RIPOR2: variants seen among roughly 807,000 people sequenced by gnomAD.
The protein encoded by RIPOR2 is RHO family interacting cell polarization regulator 2.
In RIPOR2, 39 loss-of-function variants were observed where a neutral mutation model predicts 114.5. The observed-to-expected ratio is 0.34, with a 90% CI of 0.26 to 0.44. The LOEUF (loss-of-function observed/expected upper bound fraction) is 0.44, where lower values mean the gene tolerates loss of function less well. RIPOR2 is among the 20% of genes least tolerant of loss of function. RIPOR2 has a pLI of 1.00. For synonymous variants in RIPOR2, 445 were observed against 484.4 expected, an observed-to-expected ratio of 0.92 and a Z score of 1.07; for missense variants, 1,007 against 1,255.1, an observed-to-expected ratio of 0.80 and a Z score of 2.99.
chr6:24,847,533 C>T, intron 12 of RIPOR2: 1 of 1,550,396 alleles, frequency 6.4e-7, no homozygotes, highest in Non-Finnish European at 8.7e-7. Flanking sequence ...CCGGGCAGGC[C>T]ACACTCACAT....
At chr6:25,036,952 A>G (rs1261270853) in intron 1 of RIPOR2, among the ~76,000 whole-genome samples, 1 of 152,190 alleles carries the variant, frequency 6.6e-6, no homozygotes, top group Non-Finnish European at 1.5e-5. Context: ...TGCCTTCTCC[A>G]GTATGACATG....
chr6:24,823,340 A>G (rs576932790), intron 19 of RIPOR2, among the ~76,000 whole-genome samples: 86 of 152,366 alleles, frequency 5.6e-4, no homozygotes, highest in Middle Eastern at 6.8e-3. Context: ...TTACTTAACT[A>G]GTCTTAGTCA....
chr6:24,894,539 G>T (rs1462265533), intron 1 of RIPOR2, among the ~76,000 whole-genome samples: 1 of 152,150 alleles, frequency 6.6e-6, no homozygotes, highest in East Asian at 1.9e-4. Flanking sequence ...TGTCAACCGG[G>T]AGGGGAGGAT....
Position 24,926,996 on chromosome 6 carries a change from AATCACCACCACC to A in RIPOR2, c.61+8830_61+8841del, listed in dbSNP as rs1400629032. 3.2e-4 allele frequency among the ~76,000 whole-genome samples: 15 copies of A among 46,962 alleles called. 2 individuals carry two copies. The highest frequency in any genetic ancestry group is 5.2e-4 in the Non-Finnish European group (13 of 24,796). 30.8% of individuals were successfully genotyped at this position (46,962 alleles called of 152,430 possible). On this transcript the variant is annotated intron_variant, in intron 1 of 21. Transcript: ENST00000643898. ...CCACCACCACCACCACCACAACTAC[AATCACCACCACC>A]ATCACCACCACCACCATGATTATTA...
At chr6:24,819,524 T>G (rs1016509509) in intron 19 of RIPOR2, among the ~76,000 whole-genome samples, 1 of 152,044 alleles carries the variant, frequency 6.6e-6, no homozygotes, top group Non-Finnish European at 1.5e-5. Flanking sequence ...ATTATCTTTT[T>G]TTTTTTTGAG....
chr6:24,808,762 C>CTTTTT, intron 21 of RIPOR2, among the ~76,000 whole-genome samples: 1 of 128,076 alleles, frequency 7.8e-6, no homozygotes, highest in Non-Finnish European at 1.7e-5. Context: ...ATACTTTTTT[C>CTTTTT]TTTTTTTTTT....
chr6:24,936,417 G>A (rs2778498), upstream of RIPOR2, among the ~76,000 whole-genome samples: 6,430 of 152,188 alleles, frequency 0.042, 448 homozygotes, highest in African/African-American at 0.14. Context: ...CTCAGTAATA[G>A]TTGCATTTTT....
chr6:24,987,021 G>A (rs543767789), intron 1 of RIPOR2, among the ~76,000 whole-genome samples: 104 of 152,322 alleles, frequency 6.8e-4, no homozygotes, highest in African/African-American at 2.4e-3. Flanking sequence ...TTGGCCTGAA[G>A]GCTATGGGCT....
intron 1 of RIPOR2, among the ~76,000 whole-genome samples, chr6:24,991,483 A>T (rs1774812368): frequency 6.6e-6 from 1 of 152,234 alleles, no homozygotes; most frequent in Non-Finnish European, 1.5e-5. Context: ...GATAGGATTC[A>T]GAATTCTGGA....
chr6:24,916,414 C>T (rs769918005), intron 1 of RIPOR2, among the ~76,000 whole-genome samples: 4 of 152,132 alleles, frequency 2.6e-5, no homozygotes, highest in Admixed American at 6.5e-5. Context: ...ATAAGCTCTG[C>T]GATGTCAGGA....
At chr6:25,015,159 C>CTT (rs1775912819) in intron 1 of RIPOR2, 1 of 152,174 alleles carries the variant, frequency 6.6e-6, no homozygotes, top group African/African-American at 2.4e-5. Flanking sequence ...GGGATCAGAG[C>CTT]TTTAGAGCTT....
chr6:24,846,227 T>G (rs1270808690), intron 12 of RIPOR2, among the ~76,000 whole-genome samples: 2 of 152,006 alleles, frequency 1.3e-5, no homozygotes, highest in Non-Finnish European at 2.9e-5. Context: ...TGTTTTCATG[T>G]GTATTTCCCC....
At position 24,953,308 on chromosome 6, in the gene RIPOR2, G is replaced by A. The variant is rs565121645; in HGVS notation, c.77-77491C>T. On this transcript the variant is annotated intron_variant, in intron 1 of 13. Transcript: ENST00000510784. ...ATATTGTGCCATTGAATTGCAGCCT[G>A]GGCAACAAGAGCAAAACTCTGCCCC... Among the ~76,000 whole-genome samples, 16 of 146,570 alleles carry A rather than the reference G, an allele frequency of 1.1e-4. No individual in the cohort carries two copies. In the South Asian group the frequency reaches 2.9e-3, roughly 27 times the overall value.
Position 24,912,818 on chromosome 6 carries a change from T to C in RIPOR2, c.61+23020A>G, listed in dbSNP as rs113360891. Among the ~76,000 whole-genome samples the C allele has an allele frequency of 9.0e-3, 1,369 of 152,168 alleles. 20 individuals carry two copies. The highest frequency in any genetic ancestry group is 0.031 in the African/African-American group (1,281 of 41,496). The stretch of plus-strand genomic sequence containing the variant: ...GACTCAGGAATGGCACTGTTGTAAG[T>C]GACATATAACCTTTTATGAGAGGGA... On this transcript the variant is annotated intron_variant, in intron 1 of 21. Transcript: ENST00000643898.
intron 1 of RIPOR2, among the ~76,000 whole-genome samples, chr6:25,006,908 G>A (rs897236749): frequency 2.0e-5 from 3 of 152,270 alleles, no homozygotes; most frequent in African/African-American, 7.2e-5. Flanking sequence ...GCCTAGAGGA[G>A]CTGGAACTCA....
intron 15 of RIPOR2, among the ~76,000 whole-genome samples, chr6:24,834,677 G>C (rs904900418): frequency 6.6e-6 from 1 of 152,088 alleles, no homozygotes; most frequent in Non-Finnish European, 1.5e-5. Context: ...AGGCTGGAGC[G>C]CAGTGGTGCC....
chr6:25,000,820 T>C (rs1413412835), intron 1 of RIPOR2, among the ~76,000 whole-genome samples: 1 of 152,018 alleles, frequency 6.6e-6, no homozygotes, highest in African/African-American at 2.4e-5. Context: ...AGCAAGGAAA[T>C]ACTGACTCAA....
At chr6:24,965,252 C>T (rs1344874919) in intron 1 of RIPOR2, among the ~76,000 whole-genome samples, 1 of 152,022 alleles carries the variant, frequency 6.6e-6, no homozygotes, top group Non-Finnish European at 1.5e-5. Flanking sequence ...ATCCTCCCAC[C>T]ACAGCTTCAT....
chr6:24,902,154 G>A (rs937076686), intron 1 of RIPOR2, among the ~76,000 whole-genome samples: 1 of 152,014 alleles, frequency 6.6e-6, no homozygotes, highest in African/African-American at 2.4e-5. Context: ...GTGGCAGAAT[G>A]TACTGCAGGT....
Sources: gnomAD v4.1 joint callset for allele counts (sites outside exome capture counted in the v4.1 genomes callset) on GRCh38, gnomAD v4.1.1 for gene constraint, MANE v1.5 for transcripts, NCBI Gene and HGNC (gene_info 2026-07-23, HGNC 2026-07-21) for gene names.